TRMT44: variants seen among roughly 807,000 people sequenced by gnomAD.
The protein encoded by TRMT44 is probable tRNA (uracil-O(2)-)-methyltransferase.
A neutral mutation model predicts 77.3 loss-of-function variants in TRMT44; 78 were observed. The ratio of observed to expected loss-of-function variants is 1.01; its 90% CI spans 0.84 to 1.22. The LOEUF is 1.22. TRMT44 is among the 50% of genes most tolerant of loss of function. The probability of loss-of-function intolerance (pLI) is 0.00; values close to 1 mark genes in which losing one functional copy is unlikely to be tolerated. For synonymous variants in TRMT44, 391 were observed against 383.3 expected (o/e 1.02, Z -0.23); for missense variants, 1,090 against 964.4 (o/e 1.13, Z -1.73).
the TRMT44 span, among the ~76,000 whole-genome samples, chr4:8,499,714 A>C: frequency 6.6e-6 from 1 of 152,154 alleles, no homozygotes; most frequent in East Asian, 1.9e-4. Flanking sequence ...AAATAATGAG[A>C]ACAGTGGGCA....
intron 9 of TRMT44, 38 bp from the exon 10 acceptor site, chr4:8,471,046 T>C: frequency 7.0e-7 from 1 of 1,427,066 alleles, no homozygotes; most frequent in Non-Finnish European, 9.7e-7. Flanking sequence ...AATATTTTGC[T>C]GTTGTTTTGG....
intron 6 of TRMT44, among the ~76,000 whole-genome samples, chr4:8,458,216 A>G (rs996877064): frequency 6.6e-6 from 1 of 152,228 alleles, no homozygotes; most frequent in Non-Finnish European, 1.5e-5. Context: ...AGAGAAACTA[A>G]AAAGTAAAGC....
chr4:8,489,595 G>A (rs975011714), intron 2 of TRMT44, among the ~76,000 whole-genome samples: 3 of 152,148 alleles, frequency 2.0e-5, no homozygotes, highest in Non-Finnish European at 2.9e-5. Flanking sequence ...TCCTGCCTCA[G>A]CCTCCCGAGT....
At chr4:8,497,802 A>G (rs1728194062), downstream of TRMT44, among the ~76,000 whole-genome samples, 1 of 152,104 alleles carries the variant, frequency 6.6e-6, no homozygotes, top group Non-Finnish European at 1.5e-5. Flanking sequence ...ATTTCCCACA[A>G]CATTTCAGAT....
intron 6 of TRMT44, among the ~76,000 whole-genome samples, chr4:8,462,253 A>C (rs1726204039): frequency 6.6e-6 from 1 of 152,088 alleles, no homozygotes; most frequent in African/African-American, 2.4e-5. Flanking sequence ...CTCTACTAAA[A>C]ATACAAAATT....
At chr4:8,464,112 C>T (rs565846791) in intron 7 of TRMT44, 21 bp downstream of exon 7, 6 of 1,595,206 alleles carry the variant, frequency 3.8e-6, no homozygotes, top group East Asian at 4.5e-5. Context: ...GAGGAGTTAT[C>T]AGGTGAATGG....
intron 2 of TRMT44, among the ~76,000 whole-genome samples, chr4:8,485,929 C>T (rs1463762205): frequency 1.3e-5 from 2 of 152,092 alleles, no homozygotes; most frequent in African/African-American, 4.8e-5. Flanking sequence ...GAGTGGGTAG[C>T]CCCCGTATCG....
In TRMT44 at chr4:8,454,728, A is replaced by G; in HGVS notation, c.1132-14A>G. On this transcript the variant is annotated splice_polypyrimidine_tract_variant and intron_variant, in intron 5 of 10. Coordinates refer to ENST00000389737, the MANE Select transcript of TRMT44 (RefSeq NM_152544.3). ...CTAAGGTTAACCTTTGATTTCTAAA[A>G]TTAATTTTTTCAGCATCCAGGCAGA... is the stretch of plus-strand genomic sequence containing the variant. 2 of 1,613,934 alleles carry G rather than the reference A, an allele frequency of 1.2e-6. No homozygotes were observed. Among genetic ancestry groups the G allele is most frequent in the Non-Finnish European group, 1.7e-6 (2 of 1,179,772 alleles).
At chr4:8,474,455 C>T (rs948940387) in intron 10 of TRMT44, among the ~76,000 whole-genome samples, 86 of 152,286 alleles carry the variant, frequency 5.6e-4, no homozygotes, top group African/African-American at 1.9e-3. Context: ...CTGGCCTTGG[C>T]GGTGCTTCCA....
At chr4:8,491,143 T>C (rs1727990203) in intron 2 of TRMT44, among the ~76,000 whole-genome samples, 1 of 150,764 alleles carries the variant, frequency 6.6e-6, no homozygotes, top group Admixed American at 6.6e-5. Flanking sequence ...AGATACAGAG[T>C]GTCCGATTGG....
rs549091032 is a variant in TRMT44, at chr4:8,489,357, T to C, written n.3892-3909T>C. On this transcript the variant is annotated intron_variant and non_coding_transcript_variant, in intron 2 of 2. Coordinates refer to the TRMT44 transcript ENST00000511366. ...TCTATCAGTGAGAAAATGATGATGG[T>C]GAAAGAGATCTGAGCTAACCCACCC... 4.6e-5 allele frequency among the ~76,000 whole-genome samples: 7 copies of C among 152,344 alleles called. No homozygotes were observed. In the East Asian group the frequency reaches 1.3e-3, roughly 29 times the overall value.
chr4:8,467,894 T>C lies in TRMT44; in HGVS notation c.1495-20T>C. ...TAGACTAGCCAGCTAAAATACTTGCTTTGCTTTCTTCAAACGCAGGTCTGT... is the reference window on the plus strand; with the variant it reads ...TAGACTAGCCAGCTAAAATACTTGCCTTGCTTTCTTCAAACGCAGGTCTGT... On this transcript the variant is annotated intron_variant, in intron 8 of 10. Coordinates refer to ENST00000389737, the MANE Select transcript of TRMT44 (RefSeq NM_152544.3). 6.3e-7 allele frequency: 1 copy of C among 1,575,512 alleles called. No homozygotes were observed. The highest frequency in any genetic ancestry group is 8.6e-7 in the Non-Finnish European group (1 of 1,157,744).
chr4:8,460,215 G>T (rs111637638), intron 6 of TRMT44, among the ~76,000 whole-genome samples: 2 of 152,212 alleles, frequency 1.3e-5, no homozygotes, highest in African/African-American at 2.4e-5. Flanking sequence ...CTCTGTGGGC[G>T]TGGCCTCACT....
At chr4:8,482,221 A>G (rs1057021231) in intron 2 of TRMT44, 4 of 152,186 alleles carry the variant, frequency 2.6e-5, no homozygotes, top group East Asian at 3.9e-4. Context: ...GCACTCCTCA[A>G]CGGCATCCTC....
At chr4:8,508,884 C>T in the TRMT44 span, 4,981 of 153,442 alleles carry the variant, frequency 0.032, 161 homozygotes, top group African/African-American at 0.088. Flanking sequence ...CTCCTCCCGC[C>T]GCCTACTTTG....
At chr4:8,492,203 C>T (rs1289163146) in intron 2 of TRMT44, among the ~76,000 whole-genome samples, 1 of 152,226 alleles carries the variant, frequency 6.6e-6, no homozygotes, top group Non-Finnish European at 1.5e-5. Context: ...GCTGCCTTCA[C>T]ATCAGCACCC....
chr4:8,486,071 G>A (rs532603618), intron 2 of TRMT44, among the ~76,000 whole-genome samples: 4 of 152,344 alleles, frequency 2.6e-5, no homozygotes, highest in African/African-American at 9.6e-5. Context: ...GATCTGGGAA[G>A]GAGTCAGTCA....
chr4:8,449,636 C>A, intron 2 of TRMT44, 33 bp from the exon 3 acceptor site: 1 of 1,426,280 alleles, frequency 7.0e-7, no homozygotes, highest in South Asian at 1.2e-5. Flanking sequence ...TTGAACATAT[C>A]TGTGCTTATT....
chr4:8,460,780 G>A (rs562072260), intron 6 of TRMT44, among the ~76,000 whole-genome samples: 129 of 152,226 alleles, frequency 8.5e-4, no homozygotes, highest in Non-Finnish European at 1.3e-3. Context: ...TCTGGCTCTG[G>A]CCTCAAGTGA....
Sources: gnomAD v4.1 joint callset for allele counts (sites outside exome capture counted in the v4.1 genomes callset) on GRCh38, gnomAD v4.1.1 for gene constraint, MANE v1.5 for transcripts, NCBI Gene and HGNC (gene_info 2026-07-23, HGNC 2026-07-21) for gene names.